The following SLC44A3 variants were observed in gnomAD, a reference collection of about 807,000 sequenced individuals.
SLC44A3 encodes solute carrier family 44 member 3.
SLC44A3 carries 74 observed loss-of-function variants against 75.4 expected under a neutral mutation model. The observed-to-expected ratio is 0.98, with a 90% CI of 0.81 to 1.19. SLC44A3 has a LOEUF of 1.19. Ranked by LOEUF, SLC44A3 falls within the 50% of genes most tolerant of loss-of-function variation. SLC44A3 has a pLI of 0.00. For missense variants in SLC44A3, 700 were observed against 778.6 expected, an observed-to-expected ratio of 0.90 and a Z score of 1.20; for synonymous variants, 310 against 296.9, an observed-to-expected ratio of 1.04 and a Z score of -0.45.
chr1:94,841,727 G>C (rs1472531921), intron 7 of SLC44A3, among the ~76,000 whole-genome samples: 1 of 152,194 alleles, frequency 6.6e-6, no homozygotes, highest in African/African-American at 2.4e-5. Context: ...CCCAACCTGT[G>C]GGTTAGGTGC....
intron 12 of SLC44A3, 71 bp downstream of exon 12, chr1:94,867,488 G>T (rs879223729): frequency 2.3e-6 from 3 of 1,328,814 alleles, no homozygotes; most frequent in Non-Finnish European, 2.1e-6. Flanking sequence ...TTAGGTCAAG[G>T]TTTGGCAAAT....
intron 11 of SLC44A3, among the ~76,000 whole-genome samples, chr1:94,865,988 C>T (rs1380310607): frequency 1.3e-5 from 2 of 152,006 alleles, no homozygotes; most frequent in Non-Finnish European, 2.9e-5. Context: ...AGCAGTTGCC[C>T]CTGATTGTAG....
chr1:94,848,346 A>G (rs532329728), intron 9 of SLC44A3, among the ~76,000 whole-genome samples: 1 of 152,150 alleles, frequency 6.6e-6, no homozygotes, highest in East Asian at 1.9e-4. Context: ...CTGGAGGTTG[A>G]CAGCTAGAGC....
At chr1:94,820,884 G>C (rs1660471796) in intron 1 of SLC44A3, 65 bp from the exon 2 acceptor site, 4 of 1,449,992 alleles carry the variant, frequency 2.8e-6, no homozygotes, top group Non-Finnish European at 3.7e-6. Flanking sequence ...GTAGATTTGG[G>C]TTCGGTTTCC....
intron 11 of SLC44A3, among the ~76,000 whole-genome samples, chr1:94,866,390 C>T (rs1471250969): frequency 1.3e-5 from 2 of 152,100 alleles, no homozygotes; most frequent in Non-Finnish European, 1.5e-5. Context: ...TCCCAGATCC[C>T]ACAAGGACCA....
intron 7 of SLC44A3, among the ~76,000 whole-genome samples, chr1:94,840,981 G>C (rs1571229506): frequency 6.6e-6 from 1 of 152,336 alleles, no homozygotes; most frequent in East Asian, 1.9e-4. Context: ...TTAATGACAG[G>C]AAGGGATGTG....
At chr1:94,886,797 G>A (rs1669640358) in intron 12 of SLC44A3, among the ~76,000 whole-genome samples, 1 of 152,116 alleles carries the variant, frequency 6.6e-6, no homozygotes, top group Non-Finnish European at 1.5e-5. Context: ...TAATCCACCT[G>A]TACCTGGAGG....
chr1:94,834,676 G>A (rs889480186), intron 5 of SLC44A3, among the ~76,000 whole-genome samples: 3 of 152,054 alleles, frequency 2.0e-5, no homozygotes, highest in African/African-American at 7.2e-5. Flanking sequence ...ATAGAGATGG[G>A]GTTTCACCAC....
In SLC44A3 at chr1:94,857,333, AGG is replaced by A; in HGVS notation, c.1073-1_1073del. On this transcript the variant is annotated splice_acceptor_variant and coding_sequence_variant, in exon 10 of 15. Transcript: ENST00000271227. LOFTEE classifies it high-confidence loss of function. ...AAAGCATGTTTGTGTTTGAAACTTT[AGG>A]AGCTGCCCAGGTTATGGAAGGCGGC... The A allele has an allele frequency of 6.3e-7, 1 of 1,597,482 alleles. No individual in the cohort carries two copies. The highest frequency in any genetic ancestry group is 2.3e-5 in the East Asian group (1 of 44,408).
intron 14 of SLC44A3, among the ~76,000 whole-genome samples, chr1:94,893,727 C>G (rs1023207876): frequency 6.6e-5 from 10 of 152,134 alleles, no homozygotes; most frequent in African/African-American, 2.4e-4. Context: ...TGTATGTACT[C>G]TAAGGAAAGT....
At position 94,821,035 on chromosome 1, in the gene SLC44A3, C is replaced by G; in HGVS notation, c.114C>G (p.Phe38Leu). The G allele has an allele frequency of 1.3e-6, 2 of 1,551,260 alleles. No individual in the cohort carries two copies. The highest frequency in any genetic ancestry group is 1.7e-6 in the Non-Finnish European group (2 of 1,146,738). The change falls in exon 2 of 15, where the codon TTC becomes TTG. Residue 38 changes from phenylalanine to leucine, a missense_variant. Phe to Leu is a conservative substitution (Grantham distance 22). Transcript: ENST00000271227. The part of the protein sequence containing the change: ...KCTDTAWLFL[F>L]FLFWTGLVFI... Reference sequence around the variant, plus strand: ...CAGATACGGCATGGTTATTCCTGTTCTTTCTCTTTTGGACTGGTTTGGTAA... The same window carrying G: ...CAGATACGGCATGGTTATTCCTGTTGTTTCTCTTTTGGACTGGTTTGGTAA...
chr1:94,851,450 A>G (rs1665205681), intron 9 of SLC44A3, among the ~76,000 whole-genome samples: 1 of 152,182 alleles, frequency 6.6e-6, no homozygotes. Flanking sequence ...GATAAATGCT[A>G]TGAACAATAA....
At chr1:94,863,880 C>T (rs1206317950) in intron 10 of SLC44A3, among the ~76,000 whole-genome samples, 1 of 152,238 alleles carries the variant, frequency 6.6e-6, no homozygotes, top group Non-Finnish European at 1.5e-5. Context: ...TTCATAGTGA[C>T]TTATTAGCAA....
Position 94,842,033 on chromosome 1 carries a change from A to G in SLC44A3, c.794A>G (p.Asp265Gly). The change falls in exon 8 of 15, where the codon GAC becomes GGC. Residue 265 changes from aspartate (D) to glycine (G), a missense_variant. Asp to Gly is a moderately conservative substitution (Grantham distance 94). Transcript: ENST00000271227. ...VCGVLWWLYY[D>G]YTNDLSIELD... ...GGTGTTTTATGGTGGCTGTATTATG[A>G]CTATACCAACGACCTCAGCATAGAA... 6.2e-7 allele frequency: 1 copy of G among 1,613,524 alleles called. No individual in the cohort carries two copies.
chr1:94,887,413 T>C (rs939336860), intron 12 of SLC44A3, among the ~76,000 whole-genome samples: 4 of 152,130 alleles, frequency 2.6e-5, no homozygotes, highest in Non-Finnish European at 4.4e-5. Context: ...GCTAGTGGTA[T>C]GGTACCTGCA....
chr1:94,828,884 C>T (rs945810713), intron 5 of SLC44A3, among the ~76,000 whole-genome samples: 8 of 152,054 alleles, frequency 5.3e-5, no homozygotes, highest in East Asian at 1.9e-4. Context: ...TTATTACTAA[C>T]GGGGTGATTT....
intron 12 of SLC44A3, among the ~76,000 whole-genome samples, chr1:94,879,065 C>T (rs1557879022): frequency 6.6e-6 from 1 of 152,082 alleles, no homozygotes. Context: ...TAAAAGTAGA[C>T]AAATGGGACC....
chr1:94,870,353 A>G lies in SLC44A3; in HGVS notation c.1482+2936A>G, dbSNP rs142065149. 2.6e-5 allele frequency among the ~76,000 whole-genome samples: 4 copies of G among 152,352 alleles called. No individual in the cohort carries two copies. In the East Asian group the frequency reaches 7.7e-4, roughly 29 times the overall value. On this transcript the variant is annotated intron_variant, in intron 12 of 14. Coordinates refer to ENST00000271227, the MANE Select transcript of SLC44A3 (RefSeq NM_001114106.3). ...CAAAAGGCAAGCCTCCAAGAAATTG[A>G]CAAGCTAGTTGTTGGGAGCCAGGGG...
Position 94,842,135 on chromosome 1 carries a change from C to T in SLC44A3, c.885+11C>T, listed in dbSNP as rs534993774. On this transcript the variant is annotated intron_variant, in intron 8 of 14. Coordinates refer to ENST00000271227, the MANE Select transcript of SLC44A3 (RefSeq NM_001114106.3). ...TCCACAGGCATCACGGTAAGAAATG[C>T]TCTTCTAGCAGTAGGTCAGGTAGCC... 4.4e-6 allele frequency: 7 copies of T among 1,596,718 alleles called. No individual in the cohort carries two copies. In the Admixed American group the frequency reaches 1.2e-4, roughly 28 times the overall value.
Sources: allele counts gnomAD v4.1 joint callset (sites outside exome capture counted in the v4.1 genomes callset), GRCh38; gene constraint gnomAD v4.1.1; transcripts MANE v1.5; gene names NCBI Gene and HGNC (gene_info 2026-07-23, HGNC 2026-07-21).